The following TMEM178B variants were observed in gnomAD, a reference collection of about 807,000 sequenced individuals.
TMEM178B encodes the protein transmembrane protein 178B.
In TMEM178B, 5 loss-of-function variants were observed where a neutral mutation model predicts 31.0. The ratio of observed to expected loss-of-function variants is 0.16; its 90% CI spans 0.08 to 0.34. The LOEUF (loss-of-function observed/expected upper bound fraction) is 0.34, where lower values mean the gene tolerates loss of function less well. TMEM178B is among the 10% of genes least tolerant of loss of function. The pLI is 1.00. For synonymous variants in TMEM178B, 164 were observed against 164.0 expected (o/e 1.00, Z 0.00); for missense variants, 275 against 400.3 (o/e 0.69, Z 2.67).
Position 141,477,812 on chromosome 7 carries a change from T to C in TMEM178B, c.*7026T>C, listed in dbSNP as rs1802401269. 6.6e-6 allele frequency: 1 copy of C among 152,244 alleles called. No individual in the cohort carries two copies. Among genetic ancestry groups the C allele is most frequent in the Non-Finnish European group, 1.5e-5 (1 of 68,068 alleles). The allele number at this position is 152,244 out of a possible 1,614,324, so 9.4% of individuals were successfully genotyped here. ...TTAGGAGATGTTTTCTCTCTGCTAC[T>C]CCTGGCCTCTGCTTTCGCCCCTCAG... On this transcript the variant is annotated 3_prime_UTR_variant, in exon 4 of 4. Coordinates refer to ENST00000565468, the MANE Select transcript of TMEM178B (RefSeq NM_001195278.2).
At chr7:141,263,827 T>C (rs1367154275) in intron 2 of TMEM178B, among the ~76,000 whole-genome samples, 1 of 152,218 alleles carries the variant, frequency 6.6e-6, no homozygotes, top group East Asian at 1.9e-4. Flanking sequence ...AGGACCACTT[T>C]TACTTTCCAT....
intron 2 of TMEM178B, among the ~76,000 whole-genome samples, chr7:141,372,598 C>G (rs1210829838): frequency 3.3e-5 from 5 of 152,172 alleles, no homozygotes; most frequent in Admixed American, 3.3e-4. Flanking sequence ...GGGACAATCA[C>G]ATAGAACCTC....
intron 3 of TMEM178B, among the ~76,000 whole-genome samples, chr7:141,457,303 A>G (rs116081391): frequency 8.1e-4 from 124 of 152,356 alleles, no homozygotes; most frequent in African/African-American, 2.8e-3. Context: ...GCTTGGGATG[A>G]CTATGTCAAT....
chr7:141,084,480 C>T (rs569498348), intron 1 of TMEM178B, among the ~76,000 whole-genome samples: 1 of 152,290 alleles, frequency 6.6e-6, no homozygotes, highest in Non-Finnish European at 1.5e-5. Flanking sequence ...TAGGTAAACT[C>T]ACAAGTACAA....
chr7:141,164,036 G>A (rs1333203598), intron 1 of TMEM178B, among the ~76,000 whole-genome samples: 1 of 152,032 alleles, frequency 6.6e-6, no homozygotes, highest in Non-Finnish European at 1.5e-5. Flanking sequence ...GACTTTCCCT[G>A]GGTTTTTAGG....
chr7:141,338,690 C>A (rs1799466442), intron 2 of TMEM178B, among the ~76,000 whole-genome samples: 1 of 152,186 alleles, frequency 6.6e-6, no homozygotes, highest in African/African-American at 2.4e-5. Context: ...AGGGCAGTGA[C>A]CAAACTGTCC....
At chr7:141,111,923 G>A (rs924801149) in intron 1 of TMEM178B, among the ~76,000 whole-genome samples, 2 of 152,188 alleles carry the variant, frequency 1.3e-5, no homozygotes, top group African/African-American at 4.8e-5. Flanking sequence ...ACTGAAGTGT[G>A]TGTATTAATT....
intron 2 of TMEM178B, among the ~76,000 whole-genome samples, chr7:141,399,223 G>A (rs545095535): frequency 3.2e-4 from 48 of 152,264 alleles, no homozygotes; most frequent in African/African-American, 1.1e-3. Flanking sequence ...CTCAAAGCAC[G>A]GCACAGGCCA....
At chr7:141,131,486 C>T (rs1423777477) in intron 1 of TMEM178B, among the ~76,000 whole-genome samples, 1 of 152,170 alleles carries the variant, frequency 6.6e-6, no homozygotes, top group African/African-American at 2.4e-5. Flanking sequence ...CTTCTCCCAG[C>T]CCCAACCAAT....
chr7:141,164,502 C>A (rs2129182052), intron 1 of TMEM178B, among the ~76,000 whole-genome samples: 1 of 152,188 alleles, frequency 6.6e-6, no homozygotes, highest in Non-Finnish European at 1.5e-5. Flanking sequence ...GGTGATGGGA[C>A]CTGGGCACAT....
chr7:141,190,910 C>T (rs972877206), intron 1 of TMEM178B, among the ~76,000 whole-genome samples: 13 of 152,082 alleles, frequency 8.5e-5, no homozygotes, highest in Non-Finnish European at 1.5e-4. Context: ...ACCTCTTTCC[C>T]TTTTTTTTAC....
At chr7:141,251,589 T>C (rs1797834871) in intron 2 of TMEM178B, among the ~76,000 whole-genome samples, 1 of 152,142 alleles carries the variant, frequency 6.6e-6, no homozygotes, top group Admixed American at 6.5e-5. Flanking sequence ...TCAGTAAAAA[T>C]TATTAACACA....
chr7:141,344,586 T>TCCTTCCTTCCTC lies in TMEM178B; in HGVS notation c.497-93011_497-93010insCCCTTCCTTCCT, dbSNP rs1365195817. Among the ~76,000 whole-genome samples the TCCTTCCTTCCTC allele has an allele frequency of 6.6e-5, 8 of 121,686 alleles. No homozygotes were observed. Among genetic ancestry groups the TCCTTCCTTCCTC allele is most frequent in the Middle Eastern group, 4.3e-3 (1 of 234 alleles). 79.8% of individuals were successfully genotyped at this position (121,686 alleles called of 152,430 possible). On this transcript the variant is annotated intron_variant, in intron 2 of 3. Coordinates refer to ENST00000565468, the MANE Select transcript of TMEM178B (RefSeq NM_001195278.2). This position sits in a 1 kb window ranked among gnomAD's most constrained non-coding sequence, Gnocchi z 4.1. ...ATTCCTCCCTCCTCCCTTCCTTCCT[T>TCCTTCCTTCCTC]CCTTCCTTCCTTCCTTCCTTCCTTC...
At chr7:141,111,925 G>A (rs1021944568) in intron 1 of TMEM178B, among the ~76,000 whole-genome samples, 5 of 152,178 alleles carry the variant, frequency 3.3e-5, no homozygotes, top group Admixed American at 6.5e-5. Flanking sequence ...TGAAGTGTGT[G>A]TATTAATTTA....
At chr7:141,467,926 A>T (rs1160622574) in intron 3 of TMEM178B, among the ~76,000 whole-genome samples, 1 of 145,610 alleles carries the variant, frequency 6.9e-6, no homozygotes, top group African/African-American at 2.5e-5. Context: ...AGTCTATGGG[A>T]TTGTCTATTT....
At chr7:141,185,024 G>T (rs1462293119) in intron 1 of TMEM178B, among the ~76,000 whole-genome samples, 1 of 152,178 alleles carries the variant, frequency 6.6e-6, no homozygotes, top group Non-Finnish European at 1.5e-5. Context: ...AAGTTCCCTT[G>T]CACCCCTCGC....
intron 1 of TMEM178B, among the ~76,000 whole-genome samples, chr7:141,116,442 T>C (rs1345446825): frequency 2.0e-5 from 3 of 152,066 alleles, no homozygotes; most frequent in Admixed American, 2.0e-4. Context: ...TTTAGGGAGT[T>C]GAAGTCAATT....
chr7:141,507,043 C>A, the TMEM178B span, among the ~76,000 whole-genome samples: 3 of 152,232 alleles, frequency 2.0e-5, no homozygotes, highest in Non-Finnish European at 4.4e-5. Flanking sequence ...TTACCATGGA[C>A]TTGGGCGGCT....
rs1031902937 is a variant in TMEM178B at position 141,074,542 on chromosome 7, A to G, written c.232A>G (p.Lys78Glu). The change falls in exon 1 of 4, where the codon AAA (lysine) becomes GAA (glutamate). Residue 78 changes from lysine to glutamate, a missense_variant. Transcript: ENST00000565468. The surrounding 1 kb of genome is among the most constrained non-coding windows in gnomAD (Gnocchi z 5.1). ...CTCGCGCCTGGACCGCTGGGAGGGC[A>G]AACTCCTCCGGGCCCGGAATCGCCG... ...SRSRLDRWEG[K>E]LLRARNRRQL... 3 of 1,535,876 alleles carry G rather than the reference A, an allele frequency of 2.0e-6. No homozygotes were observed. Among genetic ancestry groups the G allele is most frequent in the Non-Finnish European group, 2.6e-6 (3 of 1,146,806 alleles).
Sources: gnomAD v4.1 joint callset for allele counts (sites outside exome capture counted in the v4.1 genomes callset) on GRCh38, gnomAD v4.1.1 for gene constraint, Gnocchi (gnomAD v3.1) non-coding constraint, MANE v1.5 for transcripts, NCBI Gene and HGNC (gene_info 2026-07-23, HGNC 2026-07-21) for gene names.